ADGRV1: variants seen among roughly 807,000 people sequenced by gnomAD.
The protein encoded by ADGRV1 is adhesion G protein-coupled receptor V1, also known as G-protein coupled receptor 98.
A neutral mutation model predicts 596.2 loss-of-function variants in ADGRV1; 359 were observed. The observed-to-expected ratio is 0.60, with a 90% CI of 0.55 to 0.66. ADGRV1 has a LOEUF of 0.66. Among genes scored for constraint, ADGRV1 ranks in the 30% least tolerant of loss-of-function variants. The pLI is 0.00. For synonymous variants in ADGRV1, 2,681 were observed against 2,679.2 expected (o/e 1.00, Z -0.02); for missense variants, 7,274 against 7,575.6 (o/e 0.96, Z 1.48).
intron 1 of ADGRV1, among the ~76,000 whole-genome samples, chr5:90,573,874 A>G (rs77854094): frequency 0.028 from 4,194 of 152,264 alleles, 193 homozygotes; most frequent in African/African-American, 0.097. Context: ...GCATGTGTGC[A>G]TGTTTATACC....
intron 1 of ADGRV1, among the ~76,000 whole-genome samples, chr5:90,587,344 G>T (rs947051120): frequency 6.6e-6 from 1 of 152,012 alleles, no homozygotes; most frequent in South Asian, 2.1e-4. Context: ...GGGAATGATG[G>T]TTAGAGGCAA....
chr5:90,866,276 T>C (rs1768082763), intron 83 of ADGRV1, among the ~76,000 whole-genome samples: 1 of 151,236 alleles, frequency 6.6e-6, no homozygotes, highest in Non-Finnish European at 1.5e-5. Context: ...TCTAGAAATA[T>C]GTAGACTATT....
chr5:90,954,221 G>C (rs1221124199), intron 83 of ADGRV1, among the ~76,000 whole-genome samples: 1 of 150,554 alleles, frequency 6.6e-6, no homozygotes, highest in Non-Finnish European at 1.5e-5. Flanking sequence ...AAGCCTGTGG[G>C]TGAGAGTGGG....
At chr5:91,026,186 T>G (rs1478071707) in intron 85 of ADGRV1, among the ~76,000 whole-genome samples, 2 of 152,172 alleles carry the variant, frequency 1.3e-5, no homozygotes, top group African/African-American at 4.8e-5. Context: ...ATGGTTCTGT[T>G]AAGCTTTATG....
At chr5:91,048,707 C>G (rs985159863) in intron 85 of ADGRV1, among the ~76,000 whole-genome samples, 1 of 152,180 alleles carries the variant, frequency 6.6e-6, no homozygotes, top group Non-Finnish European at 1.5e-5. Context: ...CTAGCCTGTT[C>G]TCAGCCACGT....
In ADGRV1 at chr5:90,745,366, T is replaced by C. The variant is rs928445822; in HGVS notation, c.10769+101T>C. 12 of 808,560 alleles carry C rather than the reference T, an allele frequency of 1.5e-5. No individual in the cohort carries two copies. The East Asian group carries it at 2.5e-4, about 17-fold the overall frequency. The allele number at this position is 808,560 out of a possible 1,614,324, so 50.1% of individuals were successfully genotyped here. ...TTTGGTGACTGAAAAATATACAAAATATAAGAGCTATTTATCAGCCTGAAA... is the reference window on the plus strand; with the variant it reads ...TTTGGTGACTGAAAAATATACAAAACATAAGAGCTATTTATCAGCCTGAAA... On this transcript the variant is annotated intron_variant, in intron 51 of 89. Coordinates refer to ENST00000405460, the MANE Select transcript of ADGRV1 (RefSeq NM_032119.4).
chr5:90,833,663 T>C (rs560221124), intron 77 of ADGRV1, among the ~76,000 whole-genome samples: 3 of 152,344 alleles, frequency 2.0e-5, no homozygotes, highest in African/African-American at 7.2e-5. Flanking sequence ...TACTTGTGGC[T>C]ATTGTAAATG....
intron 74 of ADGRV1, among the ~76,000 whole-genome samples, chr5:90,811,740 T>C (rs1185588963): frequency 1.3e-5 from 2 of 152,076 alleles, no homozygotes; most frequent in Non-Finnish European, 2.9e-5. Context: ...TTTTTTTTTT[T>C]TCTGTTACCA....
In ADGRV1 at chr5:90,836,454, T is replaced by TA. The variant is rs761180181; in HGVS notation, c.16612-4114dup. On this transcript the variant is annotated intron_variant, in intron 77 of 89. Transcript: ENST00000405460. ...CTAATCTCCATATAATCATACTAAG[T>TA]AAAAAAAAAAGCTGATACCAAAAGA... Among the ~76,000 whole-genome samples, 207 of 147,010 alleles carry TA rather than the reference T, an allele frequency of 1.4e-3. 3 individuals are homozygous for TA. The highest frequency in any genetic ancestry group is 6.7e-3 in the East Asian group (34 of 5,078).
At chr5:90,666,881 G>A (rs1286796559) in intron 21 of ADGRV1, among the ~76,000 whole-genome samples, 1 of 151,136 alleles carries the variant, frequency 6.6e-6, no homozygotes, top group Non-Finnish European at 1.5e-5. Context: ...GCTTAGTTTG[G>A]CTGGATATGA....
At chr5:90,844,163 T>G (rs1156301711) in intron 78 of ADGRV1, among the ~76,000 whole-genome samples, 2 of 152,218 alleles carry the variant, frequency 1.3e-5, no homozygotes, top group African/African-American at 4.8e-5. Context: ...ATATGCCATA[T>G]GAAATTATAT....
intron 83 of ADGRV1, among the ~76,000 whole-genome samples, chr5:90,888,325 A>G (rs1770493777): frequency 6.6e-6 from 1 of 152,124 alleles, no homozygotes; most frequent in Non-Finnish European, 1.5e-5. Flanking sequence ...TTTCTGCCTC[A>G]TTACTGCACT....
intron 85 of ADGRV1, among the ~76,000 whole-genome samples, chr5:90,997,823 G>A (rs1453374754): frequency 1.3e-5 from 2 of 152,096 alleles, no homozygotes; most frequent in East Asian, 3.9e-4. Context: ...TGTGCAATGG[G>A]CATCATAAAA....
chr5:90,813,866 A>G (rs1334558309), intron 74 of ADGRV1, among the ~76,000 whole-genome samples: 2 of 152,220 alleles, frequency 1.3e-5, no homozygotes, highest in African/African-American at 2.4e-5. Flanking sequence ...AGTCAGGGAA[A>G]AAATAGTTTA....
Position 90,805,331 on chromosome 5 carries a change from C to T in ADGRV1, c.14709C>T (p.Gly4903=). Residue 4903 remains glycine, a synonymous_variant, in exon 72 of 90, where the codon GGC becomes GGT. Coordinates refer to ENST00000405460, the MANE Select transcript of ADGRV1 (RefSeq NM_032119.4). ...TAFQLMNITA[G]TSHVMISRRG... The stretch of plus-strand genomic sequence containing the variant: ...TTCAACTCATGAACATCACTGCTGG[C>T]ACAAGCCACGTTATGATTTCTAGGA... 1 of 1,612,790 alleles carries T rather than the reference C, an allele frequency of 6.2e-7. No individual in the cohort carries two copies.
chr5:90,881,916 T>C (rs1272842407), intron 83 of ADGRV1, among the ~76,000 whole-genome samples: 1 of 152,066 alleles, frequency 6.6e-6, no homozygotes, highest in Non-Finnish European at 1.5e-5. Flanking sequence ...GCTTTGTTGC[T>C]CAAGCTGGTC....
chr5:90,797,222 T>C (rs1347688222), intron 70 of ADGRV1, among the ~76,000 whole-genome samples: 1 of 145,608 alleles, frequency 6.9e-6, no homozygotes, highest in East Asian at 2.0e-4. Flanking sequence ...ACCCATCTCA[T>C]GTGCAGAGAC....
Position 90,803,001 on chromosome 5 carries a change from ACT to A in ADGRV1, c.14661+122_14661+123del, listed in dbSNP as rs1462471313. On this transcript the variant is annotated intron_variant, in intron 71 of 89. Transcript: ENST00000405460. ...GTAACTATTTTCTTAAATATAAATA[ACT>A]CTGTGAATATCAAAGTAGATGTAAC... 13 of 717,272 alleles carry A rather than the reference ACT, an allele frequency of 1.8e-5. No homozygotes were observed. The East Asian group carries it at 2.3e-4, about 13-fold the overall frequency. 44.4% of individuals were successfully genotyped at this position (717,272 alleles called of 1,614,324 possible).
At position 90,877,921 on chromosome 5, in the gene ADGRV1, A is replaced by G. The variant is rs184960151; in HGVS notation, c.17856+14064A>G. 1.4e-3 allele frequency among the ~76,000 whole-genome samples: 207 copies of G among 152,296 alleles called. 1 individual carries two copies. Among genetic ancestry groups the G allele is most frequent in the African/African-American group, 4.8e-3 (199 of 41,576 alleles). On this transcript the variant is annotated intron_variant, in intron 83 of 89. Transcript: ENST00000405460. Reference sequence around the variant, plus strand: ...ATGAAACTATTAAAACTGCAGCTGCATGACTATGGAAAATAAATCGTGTGT... The same window carrying G: ...ATGAAACTATTAAAACTGCAGCTGCGTGACTATGGAAAATAAATCGTGTGT...
Sources: allele counts gnomAD v4.1 joint callset (sites outside exome capture counted in the v4.1 genomes callset), GRCh38; gene constraint gnomAD v4.1.1; transcripts MANE v1.5; gene names NCBI Gene and HGNC (gene_info 2026-07-23, HGNC 2026-07-21).